The following COL4A4 variants were observed in gnomAD, a reference collection of about 807,000 sequenced individuals.
The protein encoded by COL4A4 is collagen alpha-4(IV) chain.
A neutral mutation model predicts 192.9 loss-of-function variants in COL4A4; 105 were observed. That is an observed-to-expected ratio of 0.54 (90% CI 0.46 to 0.64). The LOEUF (loss-of-function observed/expected upper bound fraction) is 0.64, where lower values mean the gene tolerates loss of function less well. COL4A4 is among the 30% of genes least tolerant of loss of function. The pLI, the probability that COL4A4 is intolerant of heterozygous loss-of-function variation, is 0.00. For synonymous variants in COL4A4, 762 were observed against 769.9 expected (o/e 0.99, Z 0.17); for missense variants, 1,967 against 2,169.3 (o/e 0.91, Z 1.85).
At chr2:227,096,495 C>T (rs950941965) in intron 19 of COL4A4, among the ~76,000 whole-genome samples, 1 of 152,190 alleles carries the variant, frequency 6.6e-6, no homozygotes, top group Non-Finnish European at 1.5e-5. Context: ...AGTAGACATA[C>T]AAACATATTC....
chr2:227,070,788 G>A (rs185139900), intron 25 of COL4A4, among the ~76,000 whole-genome samples: 3 of 151,360 alleles, frequency 2.0e-5, no homozygotes, highest in Admixed American at 6.6e-5. Context: ...TGACGAGTTA[G>A]TGGGTGCAGC....
the COL4A4 span, among the ~76,000 whole-genome samples, chr2:226,972,412 G>A: frequency 6.6e-6 from 1 of 152,214 alleles, no homozygotes; most frequent in African/African-American, 2.4e-5. Context: ...ATTACCTAAA[G>A]AGCAGAGCCA....
chr2:227,116,377 T>A (rs2061494360), intron 7 of COL4A4, among the ~76,000 whole-genome samples: 1 of 152,184 alleles, frequency 6.6e-6, no homozygotes, highest in African/African-American at 2.4e-5. Flanking sequence ...TCTCTGGGAC[T>A]AATGGGTCAG....
chr2:227,105,677 T>A (rs868226101), intron 12 of COL4A4, among the ~76,000 whole-genome samples: 15 of 152,196 alleles, frequency 9.9e-5, no homozygotes, highest in African/African-American at 3.4e-4. Context: ...AATAAATATT[T>A]TGTGCTTTTC....
At chr2:227,050,238 T>C (rs1973789109) in intron 33 of COL4A4, 107 bp from the exon 34 acceptor site, 5 of 1,022,814 alleles carry the variant, frequency 4.9e-6, no homozygotes, top group Non-Finnish European at 6.2e-6. Context: ...GTTTTTGTAA[T>C]CTGCAGTGGT....
At chr2:227,090,303 C>A (rs1175444048) in intron 20 of COL4A4, among the ~76,000 whole-genome samples, 2 of 152,074 alleles carry the variant, frequency 1.3e-5, no homozygotes, top group African/African-American at 4.8e-5. Context: ...GATATTCCCC[C>A]ACTCAGTGAT....
At chr2:227,115,275 T>TA (rs1309627336) in intron 7 of COL4A4, among the ~76,000 whole-genome samples, 2 of 147,304 alleles carry the variant, frequency 1.4e-5, no homozygotes, top group Non-Finnish European at 3.0e-5. Flanking sequence ...AATTCTTTTT[T>TA]TTTTTTTTTT....
At chr2:227,140,347 G>GA in intron 3 of COL4A4, 109 bp from the exon 4 acceptor site, 1 of 845,116 alleles carries the variant, frequency 1.2e-6, no homozygotes, top group Non-Finnish European at 2.0e-6. Flanking sequence ...TCCATGAGAA[G>GA]AAAAGACTAA....
chr2:227,030,368 G>GGCA, intron 41 of COL4A4, 75 bp downstream of exon 41: 1 of 1,476,544 alleles, frequency 6.8e-7, no homozygotes, highest in Admixed American at 1.7e-5. Context: ...TAGAAATGGC[G>GGCA]GCACAGTACC....
intron 4 of COL4A4, among the ~76,000 whole-genome samples, chr2:227,132,933 A>ACGTTAC (rs2062575458): frequency 6.6e-6 from 1 of 152,202 alleles, no homozygotes; most frequent in Non-Finnish European, 1.5e-5. Context: ...CATCTTAGCT[A>ACGTTAC]ATTAGTCAGA....
chr2:227,151,283 CATT>C lies in COL4A4; in HGVS notation c.-101-3702_-101-3700del, dbSNP rs1443116674. Among the ~76,000 whole-genome samples, 9 of 152,086 alleles carry C rather than the reference CATT, an allele frequency of 5.9e-5. No individual in the cohort carries two copies. The South Asian group carries it at 8.3e-4, about 14-fold the overall frequency. ...TAAAATTTTTTCCAAAATTGGCTTT[CATT>C]ATAATTATTAGTAGTATATAATTCA... On this transcript the variant is annotated intron_variant, in intron 1 of 47. Coordinates refer to ENST00000396625, the MANE Select transcript of COL4A4 (RefSeq NM_000092.5).
Position 227,120,328 on chromosome 2 carries a change from T to G in COL4A4, c.328-389A>C, listed in dbSNP as rs747126164. On this transcript the variant is annotated intron_variant, in intron 5 of 47. Coordinates refer to ENST00000396625, the MANE Select transcript of COL4A4 (RefSeq NM_000092.5). ...CATCAACAGGGAATAAACTATAGTT[T>G]TATTCATACTATGGCATATTATACA... 9.3e-4 allele frequency among the ~76,000 whole-genome samples: 142 copies of G among 152,328 alleles called. 1 individual carries two copies. The highest frequency in any genetic ancestry group is 1.9e-3 in the Admixed American group (29 of 15,302).
At chr2:227,034,516 G>C (rs1184023700) in intron 37 of COL4A4, among the ~76,000 whole-genome samples, 1 of 151,442 alleles carries the variant, frequency 6.6e-6, no homozygotes, top group Non-Finnish European at 1.5e-5. Flanking sequence ...TATCTCATCA[G>C]TAGATCTTCC....
intron 37 of COL4A4, among the ~76,000 whole-genome samples, chr2:227,041,863 AAAGAAAGAAAG>A (rs1559478689): frequency 7.9e-5 from 10 of 126,232 alleles, no homozygotes; most frequent in African/African-American, 3.0e-4. Context: ...AGAAAGAAAG[AAAGAAAGAAAG>A]AAAGAAAGAA....
chr2:227,029,723 A>G (rs1160608464), intron 41 of COL4A4, among the ~76,000 whole-genome samples: 1 of 152,260 alleles, frequency 6.6e-6, no homozygotes, highest in Non-Finnish European at 1.5e-5. Context: ...ATTCTCTGAA[A>G]TTCTGGTGAC....
intron 44 of COL4A4, among the ~76,000 whole-genome samples, chr2:227,012,901 C>T (rs1403155561): frequency 2.0e-5 from 3 of 152,140 alleles, no homozygotes; most frequent in Non-Finnish European, 4.4e-5. Context: ...GGTACTCATA[C>T]ATGCCAGTTA....
the COL4A4 span, among the ~76,000 whole-genome samples, chr2:226,967,883 C>T: frequency 6.6e-6 from 1 of 152,076 alleles, no homozygotes; most frequent in Admixed American, 6.6e-5. Context: ...AGGCACAGGA[C>T]TGTCCTGTAC....
rs533957132 is a variant in COL4A4 at position 227,080,527 on chromosome 2, A to G, written c.1719T>C (p.Pro573=). The part of the protein sequence containing the change: ...RVKGHKGERG[P]DGPPGFPGQP... ...GCCCTGGAAATCCTGGGGGCCCATC[A>G]GGACCTCTTTCTCCTTTGTGCCCTG... The change falls in exon 24 of 48, where the codon CCT becomes CCC. Residue 573 remains proline, a synonymous_variant. Transcript: ENST00000396625. 1.7e-5 allele frequency: 27 copies of G among 1,614,158 alleles called. No homozygotes were observed. The South Asian group carries it at 2.9e-4, about 17-fold the overall frequency.
chr2:226,995,431 G>A, the COL4A4 span: 4 of 1,603,442 alleles, frequency 2.5e-6, no homozygotes, highest in South Asian at 4.4e-5. Flanking sequence ...CTCACTACAG[G>A]AAATACCAGA....
Sources: allele counts gnomAD v4.1 joint callset (sites outside exome capture counted in the v4.1 genomes callset), GRCh38; gene constraint gnomAD v4.1.1; transcripts MANE v1.5; gene names NCBI Gene and HGNC (gene_info 2026-07-23, HGNC 2026-07-21).